The following GADL1 variants were observed in gnomAD, a reference collection of about 807,000 sequenced individuals.
GADL1 encodes acidic amino acid decarboxylase GADL1.
Under a neutral mutation model 69.5 loss-of-function variants are expected in GADL1, and 71 were observed. The observed-to-expected ratio is 1.02, with a 90% CI of 0.84 to 1.25. GADL1 has a LOEUF of 1.25. GADL1 is among the 50% of genes most tolerant of loss of function. The pLI, the probability that GADL1 is intolerant of heterozygous loss-of-function variation, is 0.00. For synonymous variants in GADL1, 254 were observed against 214.4 expected, an observed-to-expected ratio of 1.18 and a Z score of -1.62; for missense variants, 737 against 631.8, an observed-to-expected ratio of 1.17 and a Z score of -1.79.
At chr3:30,791,908 T>G (rs1263291964) in intron 12 of GADL1, among the ~76,000 whole-genome samples, 1 of 152,186 alleles carries the variant, frequency 6.6e-6, no homozygotes, top group Non-Finnish European at 1.5e-5. Flanking sequence ...TCTTACCTGC[T>G]GCCATGTAAG....
chr3:30,794,225 G>T (rs1696980590), intron 12 of GADL1, among the ~76,000 whole-genome samples: 1 of 152,150 alleles, frequency 6.6e-6, no homozygotes, highest in South Asian at 2.1e-4. Flanking sequence ...CAGAGATTGT[G>T]TGTCAAGGGA....
chr3:30,740,505 A>G (rs575488986), intron 14 of GADL1, among the ~76,000 whole-genome samples: 24 of 152,280 alleles, frequency 1.6e-4, no homozygotes, highest in Admixed American at 1.3e-3. Flanking sequence ...GTTATGTTCA[A>G]GTCAAGTAAT....
intron 14 of GADL1, among the ~76,000 whole-genome samples, chr3:30,769,368 T>A (rs1177146128): frequency 6.6e-6 from 1 of 152,086 alleles, no homozygotes; most frequent in Non-Finnish European, 1.5e-5. Context: ...TTCCAATGTC[T>A]GGAACGTATG....
At chr3:30,819,565 C>T (rs1171760885) in intron 11 of GADL1, among the ~76,000 whole-genome samples, 1 of 151,978 alleles carries the variant, frequency 6.6e-6, no homozygotes, top group Non-Finnish European at 1.5e-5. Flanking sequence ...GAGCACACTC[C>T]AAAATGGAAC....
In GADL1 at chr3:30,844,421, T is replaced by C. The variant is rs1421891618; in HGVS notation, c.697A>G (p.Thr233Ala). Residue 233 changes from threonine to alanine, a missense_variant, in exon 7 of 15, where the codon ACT (threonine) becomes GCT (alanine). Transcript: ENST00000282538. The part of the protein sequence containing the change: ...KKAASFLGIG[T>A]ENVCFVETDG... ...GTTTCCACAAAGCAAACATTCTCAG[T>C]GCCAATCCCAAGAAAAGAGGCTGCC... is the stretch of plus-strand genomic sequence containing the variant. 3.7e-6 allele frequency: 6 copies of C among 1,613,494 alleles called. No homozygotes were observed. The highest frequency in any genetic ancestry group is 4.2e-6 in the Non-Finnish European group (5 of 1,179,562).
chr3:30,806,672 G>C (rs950357049), intron 11 of GADL1, among the ~76,000 whole-genome samples: 2 of 152,188 alleles, frequency 1.3e-5, no homozygotes, highest in African/African-American at 4.8e-5. Context: ...GCACAAACGA[G>C]GGTCATATTC....
In GADL1 at chr3:30,844,373, C is replaced by T. The variant is rs1276233890; in HGVS notation, c.731+14G>A. 6.2e-7 allele frequency: 1 copy of T among 1,605,726 alleles called. No homozygotes were observed. Among genetic ancestry groups the T allele is most frequent in the Non-Finnish European group, 8.5e-7 (1 of 1,172,328 alleles). ...CCCTCCACCCACCAGGCTTCCAGAT[C>T]CTGTTCCCATTACCTTCCATCTGTT... On this transcript the variant is annotated intron_variant, in intron 7 of 14. Coordinates refer to ENST00000282538, the MANE Select transcript of GADL1 (RefSeq NM_207359.3).
chr3:30,773,402 A>G (rs1331196773), intron 14 of GADL1, among the ~76,000 whole-genome samples: 1 of 149,186 alleles, frequency 6.7e-6, no homozygotes, highest in Non-Finnish European at 1.5e-5. Flanking sequence ...TATCTTTTTA[A>G]TGTTATCTTA....
chr3:30,836,810 A>T (rs1205122968), intron 9 of GADL1, among the ~76,000 whole-genome samples: 1 of 152,116 alleles, frequency 6.6e-6, no homozygotes, highest in Admixed American at 6.6e-5. Context: ...AAGAAGAGCT[A>T]GACCAGCCCG....
At chr3:30,772,576 T>G (rs1018879367) in intron 14 of GADL1, among the ~76,000 whole-genome samples, 4 of 152,084 alleles carry the variant, frequency 2.6e-5, no homozygotes, top group African/African-American at 7.2e-5. Context: ...GAAGTTACTT[T>G]AGAAAGCAAA....
intron 14 of GADL1, among the ~76,000 whole-genome samples, chr3:30,730,717 T>G (rs1342396814): frequency 6.6e-6 from 1 of 152,150 alleles, no homozygotes; most frequent in Non-Finnish European, 1.5e-5. Flanking sequence ...ATACAAATAT[T>G]AAATGGGAAA....
At chr3:30,779,346 C>T (rs2125496557) in intron 13 of GADL1, among the ~76,000 whole-genome samples, 1 of 152,294 alleles carries the variant, frequency 6.6e-6, no homozygotes, top group East Asian at 1.9e-4. Context: ...TTGTAATAAC[C>T]AATGTTGCAA....
intron 4 of GADL1, 57 bp downstream of exon 4, chr3:30,854,642 T>A: frequency 2.0e-6 from 2 of 978,934 alleles, no homozygotes; most frequent in Non-Finnish European, 3.1e-6. Flanking sequence ...TAAAATTTCA[T>A]CTACTTAAAG....
At chr3:30,794,759 G>C (rs1015457310) in intron 12 of GADL1, among the ~76,000 whole-genome samples, 5 of 152,188 alleles carry the variant, frequency 3.3e-5, no homozygotes, top group Non-Finnish European at 7.3e-5. Flanking sequence ...CCTCCTGAAA[G>C]TGTCTGCTCT....
At chr3:30,778,682 C>CGAGAT in intron 13 of GADL1, 5 of 157,626 alleles carry the variant, frequency 3.2e-5, no homozygotes, top group South Asian at 1.9e-4. Flanking sequence ...AAAGTTGGCC[C>CGAGAT]CTACACCTGG....
intron 14 of GADL1, among the ~76,000 whole-genome samples, chr3:30,770,808 A>G (rs61450563): frequency 0.03 from 4,295 of 140,822 alleles, 201 homozygotes; most frequent in African/African-American, 0.13. Context: ...ACAATCCAAC[A>G]GAAACAAGAG....
At chr3:30,847,476 T>C (rs573612880) in intron 6 of GADL1, among the ~76,000 whole-genome samples, 3 of 152,310 alleles carry the variant, frequency 2.0e-5, no homozygotes, top group Admixed American at 1.3e-4. Flanking sequence ...AGTTTAAGAC[T>C]GTTTACTAAA....
In GADL1 at chr3:30,764,279, A is replaced by G. The variant is rs535417212; in HGVS notation, c.1392+13900T>C. On this transcript the variant is annotated intron_variant, in intron 14 of 14. Transcript: ENST00000282538. ...TACTCAAATTTGTAAGAAGATACAC[A>G]GTAGAAACTAATTTCTAAGACATGA... Among the ~76,000 whole-genome samples, 7 of 152,312 alleles carry G rather than the reference A, an allele frequency of 4.6e-5. No homozygotes were observed. In the South Asian group the frequency reaches 1.5e-3, roughly 32 times the overall value.
chr3:30,809,723 T>C (rs1697318111), intron 11 of GADL1, among the ~76,000 whole-genome samples: 2 of 152,208 alleles, frequency 1.3e-5, no homozygotes, highest in African/African-American at 4.8e-5. Flanking sequence ...AGAGGTGGGA[T>C]TGTAGAGAAC....
Sources: gnomAD v4.1 joint callset for allele counts (sites outside exome capture counted in the v4.1 genomes callset) on GRCh38, gnomAD v4.1.1 for gene constraint, MANE v1.5 for transcripts, NCBI Gene and HGNC (gene_info 2026-07-23, HGNC 2026-07-21) for gene names.